The following CSMD1 variants were observed in gnomAD, a reference collection of about 807,000 sequenced individuals.
CSMD1 encodes CUB and Sushi multiple domains 1.
A neutral mutation model predicts 417.5 loss-of-function variants in CSMD1; 213 were observed. The ratio of observed to expected loss-of-function variants is 0.51; its 90% CI spans 0.46 to 0.57. The LOEUF is 0.57. Ranked by LOEUF, CSMD1 falls within the 20% of genes least tolerant of loss-of-function variation. CSMD1 has a pLI of 0.00. For missense variants in CSMD1, 6,923 were observed against 4,529.7 expected (o/e 1.53, Z -15.17); for synonymous variants, 2,862 against 1,736.8 (o/e 1.65, Z -16.11).
At chr8:4,779,728 A>C (rs1281455502) in intron 1 of CSMD1, among the ~76,000 whole-genome samples, 1 of 152,116 alleles carries the variant, frequency 6.6e-6, no homozygotes, top group Non-Finnish European at 1.5e-5. Flanking sequence ...ACCAAAGGAA[A>C]GTGTAAATAA....
At chr8:4,598,768 G>T (rs1281899225) in intron 2 of CSMD1, among the ~76,000 whole-genome samples, 1 of 152,084 alleles carries the variant, frequency 6.6e-6, no homozygotes, top group Non-Finnish European at 1.5e-5. Context: ...GCTCTAAGTA[G>T]GTGGAAAATT....
chr8:3,772,480 CATATAT>C (rs1798649565), intron 5 of CSMD1, among the ~76,000 whole-genome samples: 2 of 27,884 alleles, frequency 7.2e-5, no homozygotes, highest in Non-Finnish European at 1.3e-4. Context: ...CATATATATA[CATATAT>C]ACACATATAT....
chr8:4,132,985 G>A (rs1803201953), intron 3 of CSMD1, among the ~76,000 whole-genome samples: 1 of 152,142 alleles, frequency 6.6e-6, no homozygotes, highest in Non-Finnish European at 1.5e-5. Context: ...CCAGGCTGCA[G>A]TGCAGTGGCG....
At chr8:3,767,573 C>A (rs1205080869) in intron 5 of CSMD1, among the ~76,000 whole-genome samples, 1 of 152,180 alleles carries the variant, frequency 6.6e-6, no homozygotes, top group African/African-American at 2.4e-5. Context: ...CTGACCTTAT[C>A]CAAATACGAG....
intron 5 of CSMD1, among the ~76,000 whole-genome samples, chr8:3,849,292 T>A (rs1271041438): frequency 2.0e-5 from 3 of 151,916 alleles, no homozygotes; most frequent in Non-Finnish European, 4.4e-5. Context: ...CAGACAAAGA[T>A]ACAGGGCGGA....
intron 1 of CSMD1, among the ~76,000 whole-genome samples, chr8:4,773,413 T>G (rs1033909362): frequency 3.3e-5 from 5 of 152,302 alleles, no homozygotes; most frequent in African/African-American, 1.2e-4. Context: ...CTGCAGCAGT[T>G]GCTTTACTAA....
intron 2 of CSMD1, among the ~76,000 whole-genome samples, chr8:4,611,541 G>T (rs1801169249): frequency 6.6e-6 from 1 of 152,124 alleles, no homozygotes; most frequent in Non-Finnish European, 1.5e-5. Context: ...ACCCGTATAT[G>T]TATTGCCAAA....
At chr8:4,276,676 T>C (rs977584555) in intron 3 of CSMD1, among the ~76,000 whole-genome samples, 7 of 152,198 alleles carry the variant, frequency 4.6e-5, no homozygotes, top group African/African-American at 1.7e-4. Flanking sequence ...TGGTCATTGA[T>C]TCAGGAAACG....
rs139548998 is a variant in CSMD1, at chr8:3,716,296, C to A, written c.932-7805G>T. ...CAAAACAGAATTCAGTGGGAGTCCACAGACTAAAGTGAAAGCAAGTTTATT... is the reference window on the plus strand; with the variant it reads ...CAAAACAGAATTCAGTGGGAGTCCAAAGACTAAAGTGAAAGCAAGTTTATT... On this transcript the variant is annotated intron_variant, in intron 6 of 69. Coordinates refer to ENST00000635120, the MANE Select transcript of CSMD1 (RefSeq NM_033225.6). Among the ~76,000 whole-genome samples the A allele has an allele frequency of 3.9e-3, 594 of 152,212 alleles. 7 individuals carry two copies. Among genetic ancestry groups the A allele is most frequent in the African/African-American group, 0.013 (557 of 41,516 alleles).
chr8:4,367,761 G>A (rs922275165), intron 3 of CSMD1, among the ~76,000 whole-genome samples: 27 of 152,194 alleles, frequency 1.8e-4, no homozygotes, highest in African/African-American at 6.5e-4. Flanking sequence ...AATTCTTGCT[G>A]TGGAAATATT....
At chr8:3,531,414 T>C (rs1053809406) in intron 10 of CSMD1, among the ~76,000 whole-genome samples, 3 of 152,160 alleles carry the variant, frequency 2.0e-5, no homozygotes, top group African/African-American at 7.2e-5. Context: ...AACACAATAG[T>C]AACATTATTC....
rs192780155 is a variant in CSMD1, at chr8:4,701,598, T to C, written c.86-64040A>G. On this transcript the variant is annotated intron_variant, in intron 1 of 69. Transcript: ENST00000635120. Reference sequence around the variant, plus strand: ...TGAGAATAGCTGTTGATCACAAGACTCTCAGGTTCTGTTCCACAGCTGTTG... The same window carrying C: ...TGAGAATAGCTGTTGATCACAAGACCCTCAGGTTCTGTTCCACAGCTGTTG... Among the ~76,000 whole-genome samples the C allele has an allele frequency of 6.5e-3, 992 of 152,166 alleles. 10 individuals carry two copies. The highest frequency in any genetic ancestry group is 0.027 in the Middle Eastern group (8 of 292).
At position 4,994,553 on chromosome 8, in the gene CSMD1, A is replaced by G. The variant is rs1319430972; in HGVS notation, c.-137T>C. 1.1e-5 allele frequency: 8 copies of G among 758,164 alleles called. No individual in the cohort carries two copies. The highest frequency in any genetic ancestry group is 6.5e-6 in the Non-Finnish European group (3 of 458,478). 47.0% of individuals were successfully genotyped at this position (758,164 alleles called of 1,614,324 possible). A position where few individuals can be genotyped will look rare whatever the true frequency, so the allele number is the denominator to read the frequency against. On this transcript the variant is annotated 5_prime_UTR_variant, in exon 1 of 70. Transcript: ENST00000635120. Reference sequence around the variant, plus strand: ...GGTCCCAAGACCCGCCGCGCATCCGACGCCTCCTGAAGGTCTGGGCGCCCG... The same window carrying G: ...GGTCCCAAGACCCGCCGCGCATCCGGCGCCTCCTGAAGGTCTGGGCGCCCG...
chr8:3,623,924 C>T (rs1336421358), intron 7 of CSMD1, among the ~76,000 whole-genome samples: 2 of 152,000 alleles, frequency 1.3e-5, no homozygotes, highest in East Asian at 1.9e-4. Context: ...TTGCAGTAAG[C>T]TGAGATTGCA....
At chr8:4,613,614 C>A (rs1339497870) in intron 2 of CSMD1, among the ~76,000 whole-genome samples, 1 of 152,074 alleles carries the variant, frequency 6.6e-6, no homozygotes, top group Non-Finnish European at 1.5e-5. Flanking sequence ...CCTCTTTTTG[C>A]TAAGTGACTT....
chr8:4,370,491 T>G (rs1349002623), intron 3 of CSMD1, among the ~76,000 whole-genome samples: 1 of 152,228 alleles, frequency 6.6e-6, no homozygotes, highest in South Asian at 2.1e-4. Flanking sequence ...ACTGTCCTAA[T>G]GGGACTGGAA....
At chr8:3,952,386 C>G (rs983844241) in intron 5 of CSMD1, among the ~76,000 whole-genome samples, 1 of 152,178 alleles carries the variant, frequency 6.6e-6, no homozygotes, top group Non-Finnish European at 1.5e-5. Context: ...TTTAATTCTA[C>G]TTAGTTTCTT....
At chr8:3,805,216 T>C (rs1206199995) in intron 5 of CSMD1, among the ~76,000 whole-genome samples, 3 of 152,154 alleles carry the variant, frequency 2.0e-5, no homozygotes, top group African/African-American at 7.2e-5. Flanking sequence ...GGAGTCAGTT[T>C]CCTGCGGGAC....
chr8:3,857,906 A>C (rs1804426761), intron 5 of CSMD1, among the ~76,000 whole-genome samples: 1 of 152,258 alleles, frequency 6.6e-6, no homozygotes, highest in Admixed American at 6.5e-5. Context: ...CGTCCTTAAA[A>C]TTGACCAGGC....
Sources: allele counts gnomAD v4.1 joint callset (sites outside exome capture counted in the v4.1 genomes callset), GRCh38; gene constraint gnomAD v4.1.1; transcripts MANE v1.5; gene names NCBI Gene and HGNC (gene_info 2026-07-23, HGNC 2026-07-21).